MTMR7: variants seen among roughly 807,000 people sequenced by gnomAD.
The protein encoded by MTMR7 is phosphatidylinositol-3-phosphate phosphatase MTMR7.
MTMR7 carries 76 observed loss-of-function variants against 81.2 expected under a neutral mutation model. That is an observed-to-expected ratio of 0.94 (90% CI 0.78 to 1.13). The LOEUF is 1.13. Among genes scored for constraint, MTMR7 ranks in the 50% most tolerant of loss-of-function variants. MTMR7 has a pLI of 0.00. For missense variants in MTMR7, 1,044 were observed against 820.0 expected, an observed-to-expected ratio of 1.27 and a Z score of -3.34; for synonymous variants, 372 against 289.8, an observed-to-expected ratio of 1.28 and a Z score of -2.88.
At chr8:17,409,423 C>T (rs994915704) in intron 1 of MTMR7, among the ~76,000 whole-genome samples, 1 of 123,132 alleles carries the variant, frequency 8.1e-6, no homozygotes, top group African/African-American at 2.5e-5. Flanking sequence ...AAGATCACAC[C>T]AGTGCACTCC....
At chr8:17,368,963 C>T (rs1454809625) in intron 3 of MTMR7, among the ~76,000 whole-genome samples, 1 of 152,202 alleles carries the variant, frequency 6.6e-6, no homozygotes. Context: ...TAATTTCCCC[C>T]TCAGGGATCC....
chr8:17,404,227 G>T (rs1225110245), intron 1 of MTMR7, among the ~76,000 whole-genome samples: 3 of 152,122 alleles, frequency 2.0e-5, no homozygotes, highest in African/African-American at 7.2e-5. Flanking sequence ...CCTGGATAAG[G>T]TGAGGATTTA....
intron 6 of MTMR7, among the ~76,000 whole-genome samples, chr8:17,335,135 AGAT>A (rs1415722633): frequency 1.3e-5 from 2 of 152,172 alleles, no homozygotes; most frequent in African/African-American, 4.8e-5. Context: ...ACAACAGAGA[AGAT>A]GCACAGGAAT....
At chr8:17,373,552 C>A (rs1401188964) in intron 1 of MTMR7, among the ~76,000 whole-genome samples, 3 of 152,022 alleles carry the variant, frequency 2.0e-5, no homozygotes, top group African/African-American at 7.2e-5. Flanking sequence ...AATTATATTA[C>A]ATTTCTAATT....
intron 6 of MTMR7, among the ~76,000 whole-genome samples, chr8:17,338,024 T>C (rs1171192025): frequency 6.6e-6 from 1 of 152,228 alleles, no homozygotes; most frequent in Non-Finnish European, 1.5e-5. Context: ...CCACACCTTC[T>C]AGAGCAAACT....
chr8:17,317,601 G>A (rs930095115), intron 7 of MTMR7, among the ~76,000 whole-genome samples: 4 of 152,126 alleles, frequency 2.6e-5, no homozygotes, highest in African/African-American at 7.2e-5. Context: ...CTTCTCTTGT[G>A]GAAGTGTGGA....
At chr8:17,330,322 C>T (rs1818930952) in intron 7 of MTMR7, among the ~76,000 whole-genome samples, 1 of 152,352 alleles carries the variant, frequency 6.6e-6, no homozygotes, top group East Asian at 1.9e-4. Context: ...AGCTCCAGCT[C>T]TCCAGGGCTT....
chr8:17,334,561 A>T (rs2269691), intron 6 of MTMR7, among the ~76,000 whole-genome samples: 43,901 of 152,216 alleles, frequency 0.29, 7,605 homozygotes, highest in South Asian at 0.51. Flanking sequence ...CACAAGGTTC[A>T]TTTGCTGTTT....
intron 4 of MTMR7, among the ~76,000 whole-genome samples, chr8:17,355,283 G>A (rs879732612): frequency 5.9e-5 from 9 of 152,098 alleles, no homozygotes; most frequent in Admixed American, 1.3e-4. Context: ...GTTAGCTTTA[G>A]TATGAGAACA....
In MTMR7 at chr8:17,298,510, G is replaced by A. The variant is rs1400491271; in HGVS notation, c.*1352C>T. On this transcript the variant is annotated 3_prime_UTR_variant, in exon 14 of 14. Transcript: ENST00000180173. ...TCAGCAATGTTGCTTTCTTGCCCTC[G>A]TCCTCATTTCAGCGAAATGTAATAA... 1.3e-5 allele frequency: 2 copies of A among 151,206 alleles called. No homozygotes were observed. Among genetic ancestry groups the A allele is most frequent in the African/African-American group, 2.4e-5 (1 of 40,938 alleles). 9.4% of individuals were successfully genotyped at this position (151,206 alleles called of 1,614,324 possible).
intron 7 of MTMR7, among the ~76,000 whole-genome samples, chr8:17,325,131 C>T (rs1818614918): frequency 6.6e-6 from 1 of 151,996 alleles, no homozygotes; most frequent in South Asian, 2.1e-4. Context: ...GAACCGACAG[C>T]CACAGCCTCT....
intron 1 of MTMR7, among the ~76,000 whole-genome samples, chr8:17,379,597 C>T (rs1278844855): frequency 6.6e-6 from 1 of 152,082 alleles, no homozygotes. Flanking sequence ...CAAACTTTCG[C>T]CCCCAGCTTT....
At chr8:17,411,131 G>A (rs1821724450) in intron 1 of MTMR7, among the ~76,000 whole-genome samples, 2 of 152,162 alleles carry the variant, frequency 1.3e-5, no homozygotes. Context: ...CCTTAAAAAT[G>A]TAAAACAAAA....
At chr8:17,406,599 A>G (rs1164615826) in intron 1 of MTMR7, among the ~76,000 whole-genome samples, 3 of 151,706 alleles carry the variant, frequency 2.0e-5, no homozygotes, top group Non-Finnish European at 4.4e-5. Context: ...TGATAACCAC[A>G]AAGTTGCTAT....
At chr8:17,329,767 G>T (rs1257165768) in intron 7 of MTMR7, among the ~76,000 whole-genome samples, 1 of 152,172 alleles carries the variant, frequency 6.6e-6, no homozygotes, top group Non-Finnish European at 1.5e-5. Context: ...GTTTGTAGCA[G>T]GAACAGCCAA....
intron 1 of MTMR7, among the ~76,000 whole-genome samples, chr8:17,381,823 G>A (rs1285087657): frequency 6.6e-6 from 1 of 152,228 alleles, no homozygotes; most frequent in Non-Finnish European, 1.5e-5. Context: ...TTGGTATCAT[G>A]ACATTTTCTA....
At chr8:17,383,427 A>T (rs1452771565) in intron 1 of MTMR7, among the ~76,000 whole-genome samples, 1 of 152,204 alleles carries the variant, frequency 6.6e-6, no homozygotes, top group Non-Finnish European at 1.5e-5. Flanking sequence ...TTCTAACCTT[A>T]GCTGAGACAA....
At chr8:17,362,975 G>A (rs1820103069) in intron 3 of MTMR7, among the ~76,000 whole-genome samples, 1 of 152,246 alleles carries the variant, frequency 6.6e-6, no homozygotes, top group Admixed American at 6.5e-5. Context: ...ACTGCTGTAT[G>A]TCAGTGAGAT....
rs1821791579 is a variant in MTMR7, at chr8:17,413,334, A to T, written c.-42T>A. ...CAGGGTCCCGGGCGGGCGCGGCCTC[A>T]CGCACCTGCGCGCCTCTGCGGCGCG... On this transcript the variant is annotated 5_prime_UTR_variant, in exon 1 of 14. Transcript: ENST00000180173. 1 of 1,514,846 alleles carries T rather than the reference A, an allele frequency of 6.6e-7. No individual in the cohort carries two copies. Among genetic ancestry groups the T allele is most frequent in the African/African-American group, 1.4e-5 (1 of 69,526 alleles). 93.8% of individuals were successfully genotyped at this position (1,514,846 alleles called of 1,614,324 possible). A position where few individuals can be genotyped will look rare whatever the true frequency, so the allele number is the denominator to read the frequency against.
Sources: gnomAD v4.1 joint callset for allele counts (sites outside exome capture counted in the v4.1 genomes callset) on GRCh38, gnomAD v4.1.1 for gene constraint, MANE v1.5 for transcripts, NCBI Gene and HGNC (gene_info 2026-07-23, HGNC 2026-07-21) for gene names.